SLC9A2: variants seen among roughly 807,000 people sequenced by gnomAD.
SLC9A2 encodes the protein solute carrier family 9 member A2, also known as sodium/hydrogen exchanger 2.
In SLC9A2, 42 loss-of-function variants were observed where a neutral mutation model predicts 71.7. The ratio of observed to expected loss-of-function variants is 0.59; its 90% CI spans 0.46 to 0.76. SLC9A2 has a LOEUF of 0.76. SLC9A2 is among the 30% of genes least tolerant of loss of function. The pLI is 0.00. For synonymous variants in SLC9A2, 396 were observed against 392.5 expected (o/e 1.01, Z -0.10); for missense variants, 829 against 1,017.4 (o/e 0.81, Z 2.52).
chr2:102,693,818 G>A lies in SLC9A2; in HGVS notation c.1426-596G>A, dbSNP rs962657497. Among the ~76,000 whole-genome samples the A allele has an allele frequency of 1.5e-4, 23 of 152,258 alleles. No homozygotes were observed. In the South Asian group the frequency reaches 1.7e-3, roughly 11 times the overall value. On this transcript the variant is annotated intron_variant, in intron 5 of 11. Coordinates refer to ENST00000233969, the MANE Select transcript of SLC9A2 (RefSeq NM_003048.6). ...CAGGTCCTTAACTATTCACCATTGG[G>A]TTCCAAATGCCCAAGACCCTGATAT...
intron 1 of SLC9A2, among the ~76,000 whole-genome samples, chr2:102,627,459 A>T (rs1236585815): frequency 6.6e-6 from 1 of 152,172 alleles, no homozygotes; most frequent in Non-Finnish European, 1.5e-5. Flanking sequence ...TATTTGGTTT[A>T]TCTGTGTCTT....
chr2:102,670,010 TA>T (rs1212313217), intron 3 of SLC9A2, among the ~76,000 whole-genome samples: 2 of 130,972 alleles, frequency 1.5e-5, no homozygotes, highest in South Asian at 2.7e-4. Context: ...AAGTGCCCAA[TA>T]TTTTTTTTAT....
intron 5 of SLC9A2, among the ~76,000 whole-genome samples, chr2:102,690,453 G>A (rs1384820559): frequency 6.6e-6 from 1 of 152,192 alleles, no homozygotes; most frequent in East Asian, 1.9e-4. Flanking sequence ...TTAGAGAAAG[G>A]AGGTGGTGGC....
At chr2:102,626,401 C>T (rs1419950453) in intron 1 of SLC9A2, among the ~76,000 whole-genome samples, 2 of 152,188 alleles carry the variant, frequency 1.3e-5, no homozygotes, top group Admixed American at 6.5e-5. Flanking sequence ...CCCTTCCTTA[C>T]ACCTTATACA....
chr2:102,707,971 C>T, intron 11 of SLC9A2, 148 bp from the exon 12 acceptor site: 1 of 791,104 alleles, frequency 1.3e-6, no homozygotes, highest in Non-Finnish European at 2.0e-6. Context: ...CACAAGGCCA[C>T]TCACCTAAAA....
chr2:102,682,855 C>G (rs1677480165), intron 3 of SLC9A2, among the ~76,000 whole-genome samples: 1 of 152,116 alleles, frequency 6.6e-6, no homozygotes, highest in South Asian at 2.1e-4. Flanking sequence ...CAATAGAATC[C>G]TTTTAGATAA....
At chr2:102,625,628 T>C (rs1009640144) in intron 1 of SLC9A2, among the ~76,000 whole-genome samples, 2 of 152,134 alleles carry the variant, frequency 1.3e-5, no homozygotes, top group African/African-American at 4.8e-5. Context: ...GCTTCATCCA[T>C]GTCCCTACAA....
intron 1 of SLC9A2, among the ~76,000 whole-genome samples, chr2:102,649,677 T>C (rs373681661): frequency 6.6e-6 from 1 of 152,244 alleles, no homozygotes; most frequent in South Asian, 2.1e-4. Flanking sequence ...CAACAGATGC[T>C]TCTCAAAAGA....
chr2:102,662,305 G>A (rs1402664741), intron 2 of SLC9A2, among the ~76,000 whole-genome samples: 1 of 152,246 alleles, frequency 6.6e-6, no homozygotes, highest in Non-Finnish European at 1.5e-5. Context: ...CCCAGCTGCA[G>A]ATGCCCGTTA....
At chr2:102,627,098 C>T (rs1676262686) in intron 1 of SLC9A2, among the ~76,000 whole-genome samples, 1 of 151,938 alleles carries the variant, frequency 6.6e-6, no homozygotes, top group South Asian at 2.1e-4. Flanking sequence ...CCAGCCTGGG[C>T]AACATAGTGA....
At chr2:102,657,421 T>A (rs1676965010) in intron 1 of SLC9A2, 143 bp from the exon 2 acceptor site, 3 of 614,340 alleles carry the variant, frequency 4.9e-6, no homozygotes, top group South Asian at 2.1e-5. Context: ...TGCACTGTAA[T>A]CTGGGAAGCC....
chr2:102,678,260 G>C (rs1439220552), intron 3 of SLC9A2, among the ~76,000 whole-genome samples: 1 of 151,936 alleles, frequency 6.6e-6, no homozygotes, highest in Admixed American at 6.6e-5. Flanking sequence ...GCCTCAGAAT[G>C]GGTGCTCAGA....
In SLC9A2 at chr2:102,702,407, G is replaced by A. The variant is rs760537128; in HGVS notation, c.1750G>A (p.Asp584Asn). 1 of 1,547,462 alleles carries A rather than the reference G, an allele frequency of 6.5e-7. No individual in the cohort carries two copies. The highest frequency in any genetic ancestry group is 8.8e-7 in the Non-Finnish European group (1 of 1,130,960). Residue 584 changes from aspartate to asparagine, a missense_variant and splice_region_variant, in exon 9 of 12, where the codon GAT (aspartate) becomes AAT (asparagine). Coordinates refer to ENST00000233969, the MANE Select transcript of SLC9A2 (RefSeq NM_003048.6). ...TATTCTTTTTCTAAACTTTCACAGT[G>A]ATTGTCGTGAAGAAAAAATAAGGAA... ...STVPTFASLNDCREEKIRKVT... is the reference protein window; with the variant it reads ...STVPTFASLNNCREEKIRKVT...
intron 10 of SLC9A2, among the ~76,000 whole-genome samples, chr2:102,704,916 C>T (rs891769243): frequency 1.3e-5 from 2 of 152,102 alleles, no homozygotes; most frequent in South Asian, 2.1e-4. Flanking sequence ...TATCGTGGGC[C>T]GGTCGTGGTG....
rs188095480 is a variant in SLC9A2 at position 102,659,482 on chromosome 2, C to T, written c.753+1455C>T. On this transcript the variant is annotated intron_variant, in intron 2 of 11. Coordinates refer to ENST00000233969, the MANE Select transcript of SLC9A2 (RefSeq NM_003048.6). ...ATAAAATAAAAGTCTACATAGAAAC[C>T]GATTTATTCTCTGTTAGCTTGTATT... Among the ~76,000 whole-genome samples, 333 of 151,966 alleles carry T rather than the reference C, an allele frequency of 2.2e-3. 3 individuals are homozygous for T. Among genetic ancestry groups the T allele is most frequent in the African/African-American group, 7.8e-3 (323 of 41,452 alleles).
In SLC9A2 at chr2:102,665,097, C is replaced by T; in HGVS notation, c.754-3C>T. 1 of 1,600,020 alleles carries T rather than the reference C, an allele frequency of 6.2e-7. No individual in the cohort carries two copies. Among genetic ancestry groups the T allele is most frequent in the Admixed American group, 1.7e-5 (1 of 57,514 alleles). ...TGACAAGGTGTTTTTTTTTTTCCTG[C>T]AGGTCCTGTACAACTTGTTCAAGTC... On this transcript the variant is annotated splice_polypyrimidine_tract_variant and splice_region_variant and intron_variant, in intron 2 of 11. Coordinates refer to ENST00000233969, the MANE Select transcript of SLC9A2 (RefSeq NM_003048.6).
intron 5 of SLC9A2, among the ~76,000 whole-genome samples, chr2:102,690,293 G>T (rs938494884): frequency 6.6e-6 from 1 of 152,108 alleles, no homozygotes; most frequent in Non-Finnish European, 1.5e-5. Context: ...GGAGAGTGCA[G>T]TCTTGGATGT....
chr2:102,702,777 T>C, intron 9 of SLC9A2, among the ~76,000 whole-genome samples: 1 of 152,212 alleles, frequency 6.6e-6, no homozygotes, highest in East Asian at 1.9e-4. Context: ...AATGAATTGA[T>C]TGCTGTTTGT....
chr2:102,636,702 G>A (rs1160322683), intron 1 of SLC9A2, among the ~76,000 whole-genome samples: 1 of 152,196 alleles, frequency 6.6e-6, no homozygotes, highest in East Asian at 1.9e-4. Flanking sequence ...CTAGCCTGGG[G>A]CAGTAGAATA....
Sources: gnomAD v4.1 joint callset for allele counts (sites outside exome capture counted in the v4.1 genomes callset) on GRCh38, gnomAD v4.1.1 for gene constraint, MANE v1.5 for transcripts, NCBI Gene and HGNC (gene_info 2026-07-23, HGNC 2026-07-21) for gene names.